Variants in TBC1D2B observed in about 807,000 individuals in gnomAD.
TBC1D2B encodes TBC1 domain family member 2B, also known as TBC1 domain family, member 2B.
TBC1D2B carries 64 observed loss-of-function variants against 100.8 expected under a neutral mutation model. The ratio of observed to expected loss-of-function variants is 0.64; its 90% confidence interval spans 0.52 to 0.78. The LOEUF is 0.78. Ranked by LOEUF, TBC1D2B falls within the 30% of genes least tolerant of loss-of-function variation. The pLI, the probability that TBC1D2B is intolerant of heterozygous loss-of-function variation, is 0.00. For synonymous variants in TBC1D2B, 480 were observed against 479.7 expected (o/e 1.00, Z -0.01); for missense variants, 1,052 against 1,218.4 (o/e 0.86, Z 2.03).
intron 3 of TBC1D2B, among the ~76,000 whole-genome samples, chr15:78,037,544 T>TAGA (rs777735809): frequency 6.7e-6 from 1 of 148,356 alleles, no homozygotes; most frequent in Non-Finnish European, 1.5e-5. Context: ...TGAAGAACCT[T>TAGA]AAACAGCTGA....
rs2071795858 is a variant in TBC1D2B, at chr15:77,997,538, C to G, written c.*622G>C. The G allele has an allele frequency of 6.6e-6, 1 of 152,308 alleles. No individual in the cohort carries two copies. The highest frequency in any genetic ancestry group is 1.5e-5 in the Non-Finnish European group (1 of 68,100). 9.4% of individuals were successfully genotyped at this position (152,308 alleles called of 1,614,324 possible). A position where few individuals can be genotyped will look rare whatever the true frequency, so the allele number is the denominator to read the frequency against. On this transcript the variant is annotated 3_prime_UTR_variant, in exon 13 of 13. Transcript: ENST00000300584. The stretch of plus-strand genomic sequence containing the variant: ...CTGGAAGACACTGATGGAAGGGTTG[C>G]GTGTGGAAGAGCAAAGGCTATTCTA...
chr15:78,077,488 G>A lies in TBC1D2B; in HGVS notation c.165C>T (p.Ser55=), dbSNP rs972994907. The change falls in exon 1 of 13, where the codon AGC becomes AGT. Residue 55 remains serine, a synonymous_variant. Transcript: ENST00000300584. ...GGCGCGCGTCGAACACGAACCAGCG[G>A]CTGCGGTAGCCACGCAGGGGGCCCT... ...SGKGPLRGYR[S]RWFVFDARRC... is the part of the protein sequence containing the mutation. The A allele has an allele frequency of 1.3e-6, 2 of 1,533,338 alleles. No homozygotes were observed. Among genetic ancestry groups the A allele is most frequent in the African/African-American group, 1.4e-5 (1 of 70,302 alleles). The allele number at this position is 1,533,338 out of a possible 1,614,324, so 95.0% of individuals were successfully genotyped here. A position where few individuals can be genotyped will look rare whatever the true frequency, so the allele number is the denominator to read the frequency against.
chr15:78,040,892 G>GAGAA (rs1198102149), intron 3 of TBC1D2B, among the ~76,000 whole-genome samples: 4 of 37,240 alleles, frequency 1.1e-4, no homozygotes, highest in Non-Finnish European at 2.2e-4. Context: ...GAGAGAGAGA[G>GAGAA]AGAAAGAAAG....
chr15:78,007,487 G>T (rs140400476), intron 10 of TBC1D2B, among the ~76,000 whole-genome samples: 56 of 152,356 alleles, frequency 3.7e-4, no homozygotes, highest in African/African-American at 1.1e-3. Context: ...AGTCCAGGAT[G>T]GCTTGAGTTT....
intron 6 of TBC1D2B, among the ~76,000 whole-genome samples, chr15:78,018,687 T>C (rs1182388553): frequency 1.3e-5 from 2 of 152,326 alleles, no homozygotes; most frequent in Non-Finnish European, 2.9e-5. Flanking sequence ...CATGTCATAT[T>C]GGCTTCAGCC....
Position 78,025,250 on chromosome 15 carries a change from A to G in TBC1D2B, c.1086+9T>C. The G allele has an allele frequency of 6.2e-7, 1 of 1,610,184 alleles. No homozygotes were observed. Among genetic ancestry groups the G allele is most frequent in the Non-Finnish European group, 8.5e-7 (1 of 1,177,156 alleles). The stretch of plus-strand genomic sequence containing the variant: ...GTGGGGTAAGACAGAAGCCAGAAGA[A>G]GAAGTTACCTTCTGACTGGACAGGT... On this transcript the variant is annotated intron_variant, in intron 5 of 12. Transcript: ENST00000300584.
chr15:78,074,070 C>G (rs2073786071), intron 1 of TBC1D2B, among the ~76,000 whole-genome samples: 1 of 151,476 alleles, frequency 6.6e-6, no homozygotes, highest in African/African-American at 2.4e-5. Flanking sequence ...GTCGCTCAGG[C>G]TGGAGTGCAG....
intron 6 of TBC1D2B, among the ~76,000 whole-genome samples, chr15:78,021,899 T>C (rs564379952): frequency 2.6e-5 from 4 of 152,316 alleles, no homozygotes; most frequent in South Asian, 2.1e-4. Flanking sequence ...AGGAGCTGCA[T>C]AGTCGCCACA....
At chr15:78,002,887 G>T (rs1217091919) in intron 11 of TBC1D2B, 1 of 176,862 alleles carries the variant, frequency 5.7e-6, no homozygotes, top group African/African-American at 2.3e-5. Flanking sequence ...ATACAACAGA[G>T]CGGGTGGGAG....
intron 1 of TBC1D2B, among the ~76,000 whole-genome samples, chr15:78,073,721 C>G (rs963898568): frequency 2.6e-5 from 4 of 152,112 alleles, no homozygotes; most frequent in African/African-American, 9.7e-5. Context: ...TCTGTAACCC[C>G]AGCACTTTGA....
At chr15:78,040,643 A>C (rs1316363715) in intron 3 of TBC1D2B, among the ~76,000 whole-genome samples, 1 of 33,636 alleles carries the variant, frequency 3.0e-5, no homozygotes, top group Non-Finnish European at 1.3e-4. Flanking sequence ...AAAAAGAAAG[A>C]AAGGAAGAGA....
intron 1 of TBC1D2B, among the ~76,000 whole-genome samples, chr15:78,068,408 CACACACACACACAG>C (rs1476898738): frequency 6.6e-6 from 1 of 151,776 alleles, no homozygotes; most frequent in Non-Finnish European, 1.5e-5. Flanking sequence ...CACACACACA[CACACACACACACAG>C]AGGATATGAG....
In TBC1D2B at chr15:78,047,383, C is replaced by G. The variant is rs112888089; in HGVS notation, c.515-2315G>C. Among the ~76,000 whole-genome samples, 1,085 of 152,188 alleles carry G rather than the reference C, an allele frequency of 7.1e-3. 8 individuals are homozygous for G. The highest frequency in any genetic ancestry group is 0.027 in the Middle Eastern group (8 of 294). On this transcript the variant is annotated intron_variant, in intron 2 of 12. Coordinates refer to ENST00000300584, the MANE Select transcript of TBC1D2B (RefSeq NM_144572.2). The stretch of plus-strand genomic sequence containing the variant: ...GCTTTCCCCGTAAAGGAGAACACAT[C>G]CAGGAGAGAGACATAAGTAAAACAG...
At position 78,074,013 on chromosome 15, in the gene TBC1D2B, C is replaced by CTTGTTTGT. The variant is rs373444852; in HGVS notation, c.360+3272_360+3279dup. Among the ~76,000 whole-genome samples the CTTGTTTGT allele has an allele frequency of 4.7e-5, 7 of 149,136 alleles. No homozygotes were observed. In the South Asian group the frequency reaches 1.1e-3, roughly 23 times the overall value. ...GGTTTTAGAGTCGGGGTGTTTTTTG[C>CTTGTTTGT]TTGTTTGTTTGTTTGTTTGTTTGTT... is the stretch of plus-strand genomic sequence containing the variant. On this transcript the variant is annotated intron_variant, in intron 1 of 12. Transcript: ENST00000300584.
intron 3 of TBC1D2B, among the ~76,000 whole-genome samples, chr15:78,043,621 G>A (rs545099790): frequency 1.4e-4 from 22 of 152,172 alleles, no homozygotes; most frequent in Non-Finnish European, 3.1e-4. Context: ...GCCATAAAAG[G>A]AAATGAAGCA....
chr15:78,057,417 G>A (rs202142306), intron 1 of TBC1D2B, among the ~76,000 whole-genome samples: 44 of 152,186 alleles, frequency 2.9e-4, no homozygotes, highest in East Asian at 1.7e-3. Context: ...CGAGGCAGGC[G>A]GATCACCTGA....
chr15:78,040,855 G>GAAAGA (rs2073070158), intron 3 of TBC1D2B, among the ~76,000 whole-genome samples: 31 of 74,668 alleles, frequency 4.2e-4, no homozygotes, highest in Non-Finnish European at 4.9e-4. Context: ...AGAAAGAAAG[G>GAAAGA]AAGAAAGAAA....
At position 78,033,251 on chromosome 15, in the gene TBC1D2B, A is replaced by G. The variant is rs16969341; in HGVS notation, c.684-3081T>C. On this transcript the variant is annotated intron_variant, in intron 3 of 12. Transcript: ENST00000300584. ...GCTGAGGAGAGGACATGCTCACATG[A>G]ACCACCTTACTTATACGCACACACA... 4.4e-3 allele frequency among the ~76,000 whole-genome samples: 664 copies of G among 152,322 alleles called. 6 individuals are homozygous for G. Among genetic ancestry groups the G allele is most frequent in the African/African-American group, 0.015 (623 of 41,582 alleles).
intron 1 of TBC1D2B, among the ~76,000 whole-genome samples, chr15:78,066,608 G>A (rs982340222): frequency 1.3e-5 from 2 of 152,136 alleles, no homozygotes; most frequent in African/African-American, 2.4e-5. Flanking sequence ...TAAGAACTGC[G>A]GTTCTGAGGG....
Sources: allele counts gnomAD v4.1 joint callset (sites outside exome capture counted in the v4.1 genomes callset), GRCh38; gene constraint gnomAD v4.1.1; transcripts MANE v1.5; gene names NCBI Gene and HGNC (gene_info 2026-07-23, HGNC 2026-07-21).